HPSE2: variants seen among roughly 807,000 people sequenced by gnomAD.
HPSE2 encodes heparanase 2 (inactive).
HPSE2 carries 38 observed loss-of-function variants against 60.5 expected under a neutral mutation model. The ratio of observed to expected loss-of-function variants is 0.63; its 90% confidence interval spans 0.48 to 0.82. The LOEUF (loss-of-function observed/expected upper bound fraction) is 0.82. HPSE2 is among the 40% of genes least tolerant of loss of function. HPSE2 has a pLI of 0.00. For missense variants in HPSE2, 713 were observed against 740.4 expected (o/e 0.96, Z 0.43); for synonymous variants, 295 against 293.2 (o/e 1.01, Z -0.06).
chr10:99,235,884 G>T, upstream of HPSE2: 1 of 1,243,956 alleles, frequency 8.0e-7, no homozygotes, highest in Non-Finnish European at 1.2e-6. Flanking sequence ...GTGTCTGTCC[G>T]CCTTTTTCCC....
At chr10:98,782,691 T>C (rs1950500206) in intron 3 of HPSE2, among the ~76,000 whole-genome samples, 1 of 95,380 alleles carries the variant, frequency 1.0e-5, no homozygotes, top group Non-Finnish European at 2.3e-5. Flanking sequence ...TATTGGCCAG[T>C]GGAATAGACT....
intron 3 of HPSE2, among the ~76,000 whole-genome samples, chr10:98,987,863 G>A (rs971613444): frequency 2.6e-5 from 4 of 151,814 alleles, no homozygotes; most frequent in African/African-American, 9.7e-5. Context: ...GACAAACAGA[G>A]AGCCAAATCA....
intron 6 of HPSE2, among the ~76,000 whole-genome samples, chr10:98,689,362 C>T (rs1948014428): frequency 6.6e-6 from 1 of 152,100 alleles, no homozygotes. Flanking sequence ...TCTGTGGTTT[C>T]CAATCTCTTG....
chr10:98,555,783 A>T (rs922052721), intron 9 of HPSE2, among the ~76,000 whole-genome samples: 1 of 152,242 alleles, frequency 6.6e-6, no homozygotes, highest in Non-Finnish European at 1.5e-5. Context: ...TTTCGAAACC[A>T]ATTTGACAAC....
chr10:99,208,969 T>C (rs1589823712), intron 2 of HPSE2, among the ~76,000 whole-genome samples: 1 of 152,318 alleles, frequency 6.6e-6, no homozygotes, highest in East Asian at 1.9e-4. Context: ...AAAATATCTG[T>C]GCAACAAACA....
chr10:98,675,956 T>G (rs1440003642), intron 6 of HPSE2, among the ~76,000 whole-genome samples: 1 of 151,776 alleles, frequency 6.6e-6, no homozygotes, highest in Admixed American at 6.6e-5. Flanking sequence ...GGGGGGAGGT[T>G]TGCTTGAGCC....
intron 3 of HPSE2, among the ~76,000 whole-genome samples, chr10:99,094,400 CAT>C (rs1286494071): frequency 6.7e-6 from 1 of 150,178 alleles, no homozygotes; most frequent in East Asian, 2.0e-4. Flanking sequence ...TGTATACACA[CAT>C]ATACATTTCT....
At chr10:98,485,334 C>T (rs771896381) in intron 10 of HPSE2, among the ~76,000 whole-genome samples, 2 of 151,940 alleles carry the variant, frequency 1.3e-5, no homozygotes, top group Non-Finnish European at 2.9e-5. Context: ...GCTGGCTGTG[C>T]GTCAGAAGAT....
chr10:99,041,930 C>A (rs970662538), intron 3 of HPSE2, among the ~76,000 whole-genome samples: 3 of 152,236 alleles, frequency 2.0e-5, no homozygotes, highest in African/African-American at 7.2e-5. Flanking sequence ...GAAAAGACAG[C>A]TGGACAGTTT....
intron 2 of HPSE2, among the ~76,000 whole-genome samples, chr10:99,161,701 A>G (rs1846853097): frequency 6.6e-6 from 1 of 152,220 alleles, no homozygotes; most frequent in African/African-American, 2.4e-5. Flanking sequence ...GCTCCAAAAA[A>G]AGCTATCAAA....
chr10:98,560,870 TGTA>T (rs1944154038), intron 9 of HPSE2, among the ~76,000 whole-genome samples: 1 of 5,446 alleles, frequency 1.8e-4, no homozygotes, highest in Non-Finnish European at 1.3e-3. Context: ...CACAGCCAGT[TGTA>T]CAGTTGTATA....
chr10:98,774,028 C>A (rs566821678), intron 3 of HPSE2, among the ~76,000 whole-genome samples: 127 of 152,150 alleles, frequency 8.3e-4, no homozygotes, highest in African/African-American at 3.0e-3. Flanking sequence ...TGTGTCACTG[C>A]ACTCCAGTAT....
intron 3 of HPSE2, among the ~76,000 whole-genome samples, chr10:98,885,943 T>C (rs1180049665): frequency 1.3e-5 from 2 of 152,036 alleles, no homozygotes; most frequent in East Asian, 1.9e-4. Flanking sequence ...CTGAAAGGTG[T>C]TGAAAGTTTA....
chr10:98,518,884 A>G (rs778082905), intron 9 of HPSE2, among the ~76,000 whole-genome samples: 4 of 152,188 alleles, frequency 2.6e-5, no homozygotes, highest in Admixed American at 6.5e-5. Context: ...CAATATGAGC[A>G]CATCTGAATA....
intron 2 of HPSE2, among the ~76,000 whole-genome samples, chr10:99,176,121 C>G (rs1847516910): frequency 6.6e-6 from 1 of 152,050 alleles, no homozygotes; most frequent in South Asian, 2.1e-4. Flanking sequence ...AGAAGGTCAC[C>G]AACATCAAAG....
At chr10:98,858,025 G>A (rs1000351977) in intron 3 of HPSE2, among the ~76,000 whole-genome samples, 1 of 152,270 alleles carries the variant, frequency 6.6e-6, no homozygotes, top group East Asian at 1.9e-4. Context: ...GCTATCAATA[G>A]CTATCAAGTA....
chr10:98,973,761 G>A (rs1344320546), intron 3 of HPSE2, among the ~76,000 whole-genome samples: 1 of 151,336 alleles, frequency 6.6e-6, no homozygotes, highest in Non-Finnish European at 1.5e-5. Flanking sequence ...GTTTTTCACT[G>A]GAATTTTCAA....
chr10:98,779,520 A>C (rs1417019861), intron 3 of HPSE2, among the ~76,000 whole-genome samples: 1 of 152,160 alleles, frequency 6.6e-6, no homozygotes, highest in Admixed American at 6.6e-5. Flanking sequence ...TACCAGAAAA[A>C]GCAGATGTAT....
intron 3 of HPSE2, among the ~76,000 whole-genome samples, chr10:98,959,411 A>G (rs989389826): frequency 2.7e-5 from 4 of 150,890 alleles, no homozygotes; most frequent in African/African-American, 9.7e-5. Context: ...GTGGCTGCTG[A>G]TGTCCTGCCA....
Sources: gnomAD v4.1 joint callset for allele counts (sites outside exome capture counted in the v4.1 genomes callset) on GRCh38, gnomAD v4.1.1 for gene constraint, MANE v1.5 for transcripts, NCBI Gene and HGNC (gene_info 2026-07-23, HGNC 2026-07-21) for gene names.